GPR179: variants seen among roughly 807,000 people sequenced by gnomAD.
GPR179 encodes the protein G protein-coupled receptor 179, also known as probable G protein-coupled receptor 179.
GPR179 carries 52 observed loss-of-function variants against 70.8 expected under a neutral mutation model. The ratio of observed to expected loss-of-function variants is 0.73; its 90% CI spans 0.59 to 0.93. The LOEUF is 0.93. Among genes scored for constraint, GPR179 ranks in the 40% least tolerant of loss-of-function variants. The pLI is 0.00. For missense variants in GPR179, 2,734 were observed against 2,966.8 expected (o/e 0.92, Z 1.82); for synonymous variants, 1,123 against 1,169.0 (o/e 0.96, Z 0.80).
At position 38,324,897 on chromosome 17, in the gene GPR179, G is replaced by A. The variant is rs1187529087; in HGVS notation, c.*1568C>T. On this transcript the variant is annotated 3_prime_UTR_variant, in exon 11 of 11. Coordinates refer to ENST00000616987, the MANE Select transcript of GPR179 (RefSeq NM_001004334.4). ...AATGGAGTACTTTTTTACTTTCTCT[G>A]TGAAGTCCCATAACCGCCCAGCATA... is the stretch of plus-strand genomic sequence containing the variant. Among the ~76,000 whole-genome samples, 1 of 152,166 alleles carries A rather than the reference G, an allele frequency of 6.6e-6. No individual in the cohort carries two copies. Among genetic ancestry groups the A allele is most frequent in the Non-Finnish European group, 1.5e-5 (1 of 68,042 alleles).
chr17:38,329,462 T>G lies in GPR179; in HGVS notation c.4107A>C (p.Glu1369Asp). 1 of 1,613,946 alleles carries G rather than the reference T, an allele frequency of 6.2e-7. No individual in the cohort carries two copies. ...CCTTGGTGATGTCAGGGGTATGAGC[T>G]TCTGGGCCAGCAGCTTCCCACCCAG... ...EKPGWEAAGP[E>D]AHTPDITKAE... is the part of the protein sequence containing the mutation. The change falls in exon 11 of 11, where the codon GAA (glutamate) becomes GAC (aspartate). Residue 1369 changes from glutamate (E) to aspartate (D), a missense_variant. By Grantham distance (45) the Glu-to-Asp change is conservative. Coordinates refer to ENST00000616987, the MANE Select transcript of GPR179 (RefSeq NM_001004334.4).
intron 4 of GPR179, 101 bp from the exon 5 acceptor site, chr17:38,336,245 T>TG (rs1169417319): frequency 3.0e-5 from 25 of 830,518 alleles, no homozygotes; most frequent in Non-Finnish European, 4.9e-5. Context: ...GAGCTAAGGC[T>TG]TCACCCTGTA....
At chr17:38,339,248 T>G (rs769424676) in intron 2 of GPR179, 169 bp downstream of exon 2, 23 of 563,602 alleles carry the variant, frequency 4.1e-5, no homozygotes, top group Non-Finnish European at 7.0e-5. Context: ...GTGACCTGAC[T>G]TTTTAAAAGC....
At position 38,343,843 on chromosome 17, in the gene GPR179, A is replaced by G; in HGVS notation, c.-54T>C. 1 of 1,400,464 alleles carries G rather than the reference A, an allele frequency of 7.1e-7. No individual in the cohort carries two copies. The highest frequency in any genetic ancestry group is 9.4e-7 in the Non-Finnish European group (1 of 1,063,932). 86.8% of individuals were successfully genotyped at this position (1,400,464 alleles called of 1,614,324 possible). On this transcript the variant is annotated 5_prime_UTR_variant, in exon 1 of 11. Coordinates refer to ENST00000616987, the MANE Select transcript of GPR179 (RefSeq NM_001004334.4). This position sits in a 1 kb window ranked among gnomAD's most constrained non-coding sequence, Gnocchi z 4.2. ...TCCAGGCTCAGGAGAGCCCAGGCAG[A>G]GGCTGGCTGCAGTCTGGGGGCTGTC...
intron 10 of GPR179, among the ~76,000 whole-genome samples, chr17:38,333,016 G>A (rs1002215478): frequency 2.6e-5 from 4 of 152,254 alleles, no homozygotes; most frequent in African/African-American, 7.2e-5. Context: ...CTTGCCACAT[G>A]GCCTGAGCCT....
chr17:38,331,318 G>A lies in GPR179; in HGVS notation c.2251C>T (p.Arg751Cys), dbSNP rs368915520. 23 of 1,606,128 alleles carry A rather than the reference G, an allele frequency of 1.4e-5. No homozygotes were observed. Among genetic ancestry groups the A allele is most frequent in the East Asian group, 2.2e-5 (1 of 44,590 alleles). ...PGHGSLPGSS[R>C]RRLLSSSLQE... ...AGGCTGGAGCTGAGGAGCCGGCGGCGGGAGGAGCCGGGCAGGCTGCCGTGG... is the reference window on the plus strand; with the variant it reads ...AGGCTGGAGCTGAGGAGCCGGCGGCAGGAGGAGCCGGGCAGGCTGCCGTGG... Residue 751 changes from arginine to cysteine, a missense_variant, in exon 11 of 11, where the codon CGC becomes TGC. By Grantham distance (180) the Arg-to-Cys change is radical. Transcript: ENST00000616987.
At position 38,331,017 on chromosome 17, in the gene GPR179, A is replaced by G. The variant is rs2144263681; in HGVS notation, c.2552T>C (p.Leu851Ser). 6.2e-7 allele frequency: 1 copy of G among 1,610,764 alleles called. No homozygotes were observed. The highest frequency in any genetic ancestry group is 1.1e-5 in the South Asian group (1 of 90,998). The change falls in exon 11 of 11, where the codon TTG becomes TCG. Residue 851 changes from leucine (L) to serine (S), a missense_variant. Leu to Ser is a moderately radical substitution (Grantham distance 145, BLOSUM62 -2). Transcript: ENST00000616987. ...LSVASSREKA[L>S]LMASQAYLEE... ...CAGGTAGGCCTGGCTGGCCATGAGC[A>G]AGGCCTTTTCCCTGGAGCTGGCCAC...
rs1333941466 is a variant in GPR179, at chr17:38,332,380, G to A, written c.2038-849C>T. On this transcript the variant is annotated intron_variant, in intron 10 of 10. Transcript: ENST00000616987. Reference sequence around the variant, plus strand: ...GCTCTCCTTGTATCTTACCCACTGAGCCTCTTGTTAGGGTTCTGGTGACTA... The same window carrying A: ...GCTCTCCTTGTATCTTACCCACTGAACCTCTTGTTAGGGTTCTGGTGACTA... 3.3e-5 allele frequency among the ~76,000 whole-genome samples: 5 copies of A among 152,282 alleles called. 1 individual carries two copies. Among genetic ancestry groups the A allele is most frequent in the Admixed American group, 2.6e-4 (4 of 15,292 alleles).
rs1262656769 is a variant in GPR179 at position 38,333,315 on chromosome 17, G to T, written c.1973C>A (p.Ser658Tyr). ...TGAGGCGATGCTGCTGCCAAGGTAG[G>T]AGCCTGAGTGCTGCAGGTCCAGCTC... is the stretch of plus-strand genomic sequence containing the variant. ...EDELDLQHSG[S>Y]YLGSSIASAW... The change falls in exon 10 of 11, where the codon TCC becomes TAC. Residue 658 changes from serine (S) to tyrosine (Y), a missense_variant. Coordinates refer to ENST00000616987, the MANE Select transcript of GPR179 (RefSeq NM_001004334.4). 1 of 1,614,052 alleles carries T rather than the reference G, an allele frequency of 6.2e-7. No individual in the cohort carries two copies. Among genetic ancestry groups the T allele is most frequent in the Non-Finnish European group, 8.5e-7 (1 of 1,179,958 alleles).
At chr17:38,332,531 C>A (rs2037368591) in intron 10 of GPR179, among the ~76,000 whole-genome samples, 1 of 152,234 alleles carries the variant, frequency 6.6e-6, no homozygotes, top group South Asian at 2.1e-4. Context: ...ACTGCCTGAA[C>A]TACCCAGCCC....
intron 2 of GPR179, among the ~76,000 whole-genome samples, chr17:38,338,914 G>A (rs914304518): frequency 1.4e-4 from 21 of 152,190 alleles, no homozygotes; most frequent in African/African-American, 5.1e-4. Flanking sequence ...ACTGGTCCCA[G>A]GCCTCTTCGA....
rs1480668708 is a variant in GPR179, at chr17:38,326,979, G to T, written c.6590C>A (p.Ser2197Ter). 6.2e-7 allele frequency: 1 copy of T among 1,614,102 alleles called. No individual in the cohort carries two copies. The change falls in exon 11 of 11, where the codon TCA becomes TAA. Residue 2197 changes from serine to a stop codon, truncating the protein, a stop_gained. Transcript: ENST00000616987. LOFTEE classifies it low-confidence loss of function (END_TRUNC). ...TTTGAGTTCTGGGTCCAGGGCACCTGACTGGGGCAAGAGCCCTCCTGAGCC... is the reference window on the plus strand; with the variant it reads ...TTTGAGTTCTGGGTCCAGGGCACCTTACTGGGGCAAGAGCCCTCCTGAGCC... Reference protein sequence around the residue: ...GTGSGGLLPQSGALDPELKVS... With the variant: ...GTGSGGLLPQ
At chr17:38,342,815 G>T (rs1274696475) in intron 1 of GPR179, among the ~76,000 whole-genome samples, 181 bp downstream of exon 1, 1 of 152,278 alleles carries the variant, frequency 6.6e-6, no homozygotes, top group Non-Finnish European at 1.5e-5. Context: ...TGTGTTAACA[G>T]ATAGTTGCAG....
chr17:38,334,977 C>T lies in GPR179; in HGVS notation c.1645+56G>A, dbSNP rs2037390457. On this transcript the variant is annotated intron_variant, in intron 7 of 10. Transcript: ENST00000616987. The surrounding 1 kb of genome is among the most constrained non-coding windows in gnomAD (Gnocchi z 4.7). Reference sequence around the variant, plus strand: ...CAGGAGAACCAGAACAAGAGGAACCCTGGAGGCACAGAGGCAGGGACCAGC... The same window carrying T: ...CAGGAGAACCAGAACAAGAGGAACCTTGGAGGCACAGAGGCAGGGACCAGC... 54 of 1,585,008 alleles carry T rather than the reference C, an allele frequency of 3.4e-5. 2 individuals are homozygous for T. The South Asian group carries it at 6.0e-4, about 17-fold the overall frequency.
Position 38,334,897 on chromosome 17 carries a change from C to T in GPR179, c.1646-55G>A. 1 of 1,603,054 alleles carries T rather than the reference C, an allele frequency of 6.2e-7. No homozygotes were observed. The highest frequency in any genetic ancestry group is 1.1e-5 in the South Asian group (1 of 90,850). Reference sequence around the variant, plus strand: ...GCACCACCTCAGCAGCTGTCCCACCCCTTTCTCTGAAAGATGTGCTGGGGG... The same window carrying T: ...GCACCACCTCAGCAGCTGTCCCACCTCTTTCTCTGAAAGATGTGCTGGGGG... On this transcript the variant is annotated intron_variant, in intron 7 of 10. Coordinates refer to ENST00000616987, the MANE Select transcript of GPR179 (RefSeq NM_001004334.4). The surrounding 1 kb of genome is among the most constrained non-coding windows in gnomAD (Gnocchi z 4.7).
intron 1 of GPR179, among the ~76,000 whole-genome samples, chr17:38,342,618 C>T (rs1215716539): frequency 2.0e-5 from 3 of 152,204 alleles, no homozygotes; most frequent in Non-Finnish European, 4.4e-5. Context: ...GGATTACAGG[C>T]GTGAGCCACT....
At position 38,326,705 on chromosome 17, in the gene GPR179, T is replaced by C; in HGVS notation, c.6864A>G (p.Pro2288=). 6.2e-7 allele frequency: 1 copy of C among 1,614,192 alleles called. No homozygotes were observed. The highest frequency in any genetic ancestry group is 2.2e-5 in the East Asian group (1 of 44,886). ...CCTTGGGGCAGGGGATTTTGCTTTC[T>C]GGAAAGAAGTGATCCAGAGGCCCAT... ...LVHGPLDHFF[P]ESKIPCPKVS... Residue 2288 remains proline, a synonymous_variant, in exon 11 of 11, where the codon CCA becomes CCG. Transcript: ENST00000616987.
Position 38,335,964 on chromosome 17 carries a change from G to C in GPR179, c.1296+112C>G. 3 of 819,956 alleles carry C rather than the reference G, an allele frequency of 3.7e-6. No homozygotes were observed. In the South Asian group the frequency reaches 4.1e-5, roughly 11 times the overall value. 50.8% of individuals were successfully genotyped at this position (819,956 alleles called of 1,614,324 possible). ...GTGGGTAAGAGTAGGGGAAATCTGT[G>C]GTCTCTGAATCCCTTCCAGAGGGCA... On this transcript the variant is annotated intron_variant, in intron 5 of 10. Transcript: ENST00000616987.
At position 38,328,556 on chromosome 17, in the gene GPR179, G is replaced by C; in HGVS notation, c.5013C>G (p.Pro1671=). ...PQPRPQDTER[P]QTLLQMSGSV... is the part of the protein sequence containing the mutation. ...TGCCTGACATCTGGAGAAGGGTTTG[G>C]GGTCTCTCTGTGTCTTGAGGACGTG... is the stretch of plus-strand genomic sequence containing the variant. The change falls in exon 11 of 11, where the codon CCC becomes CCG. Residue 1671 remains proline, a synonymous_variant. Transcript: ENST00000616987. 6.2e-7 allele frequency: 1 copy of C among 1,614,094 alleles called. No individual in the cohort carries two copies. Among genetic ancestry groups the C allele is most frequent in the Non-Finnish European group, 8.5e-7 (1 of 1,180,036 alleles).
Sources: allele counts gnomAD v4.1 joint callset (sites outside exome capture counted in the v4.1 genomes callset), GRCh38; gene constraint gnomAD v4.1.1; non-coding constraint Gnocchi (gnomAD v3.1); transcripts MANE v1.5; gene names NCBI Gene and HGNC (gene_info 2026-07-23, HGNC 2026-07-21).